SLCO1C1: variants seen among roughly 807,000 people sequenced by gnomAD.
The protein encoded by SLCO1C1 is OAT-RP-5.
Under a neutral mutation model 76.4 loss-of-function variants are expected in SLCO1C1, and 70 were observed. The observed-to-expected ratio is 0.92, with a 90% CI of 0.76 to 1.12. The LOEUF (loss-of-function observed/expected upper bound fraction) is 1.12, where lower values mean the gene tolerates loss of function less well. SLCO1C1 is among the 50% of genes most tolerant of loss of function. The probability of loss-of-function intolerance (pLI) is 0.00; values close to 1 mark genes in which losing one functional copy is unlikely to be tolerated. For synonymous variants in SLCO1C1, 306 were observed against 286.1 expected, an observed-to-expected ratio of 1.07 and a Z score of -0.70; for missense variants, 912 against 823.8, an observed-to-expected ratio of 1.11 and a Z score of -1.31.
At chr12:20,700,308 A>G (rs1174510000) in intron 2 of SLCO1C1, 1 of 151,870 alleles carries the variant, frequency 6.6e-6, no homozygotes, top group Non-Finnish European at 1.5e-5. Flanking sequence ...CATCTCCATA[A>G]TGACTAGTGA....
rs75428356 is a variant in SLCO1C1, at chr12:20,752,805, T to C, written c.*277T>C. 470 of 211,818 alleles carry C rather than the reference T, an allele frequency of 2.2e-3. 2 individuals carry two copies. Among genetic ancestry groups the C allele is most frequent in the African/African-American group, 9.8e-3 (431 of 43,778 alleles). 13.1% of individuals were successfully genotyped at this position (211,818 alleles called of 1,614,324 possible). A position where few individuals can be genotyped will look rare whatever the true frequency, so the allele number is the denominator to read the frequency against. On this transcript the variant is annotated 3_prime_UTR_variant, in exon 15 of 15. Coordinates refer to ENST00000266509, the MANE Select transcript of SLCO1C1 (RefSeq NM_017435.5). ...ATTTTGCTTTGTGCTCATTGATATA[T>C]ATTAGCTGTACTCCTAGAAGAACAA...
chr12:20,752,284 C>T, intron 14 of SLCO1C1, 22 bp from the exon 15 acceptor site: 4 of 1,444,102 alleles, frequency 2.8e-6, no homozygotes, highest in Non-Finnish European at 3.7e-6. Flanking sequence ...TTAATTATAA[C>T]AGAGATTCTC....
chr12:20,716,343 G>T lies in SLCO1C1; in HGVS notation c.677-789G>T, dbSNP rs147839759. Among the ~76,000 whole-genome samples the T allele has an allele frequency of 3.7e-3, 568 of 152,324 alleles. 2 individuals are homozygous for T. The highest frequency in any genetic ancestry group is 0.013 in the African/African-American group (549 of 41,568). On this transcript the variant is annotated intron_variant, in intron 6 of 14. Transcript: ENST00000266509. ...AGGAGAAGCATACAGGTGCTTAGGT[G>T]TGCCCTTCTTCTCTAGGAGCTCAGG...
At chr12:20,750,521 A>G (rs1949249985) in intron 13 of SLCO1C1, among the ~76,000 whole-genome samples, 154 bp from the exon 14 acceptor site, 1 of 152,160 alleles carries the variant, frequency 6.6e-6, no homozygotes, top group South Asian at 2.1e-4. Flanking sequence ...AAAAGACTGG[A>G]TTAGAGAGAT....
Position 20,721,987 on chromosome 12 carries a change from A to G in SLCO1C1, c.959A>G (p.Asp320Gly), listed in dbSNP as rs1947697744. 1 of 1,614,070 alleles carries G rather than the reference A, an allele frequency of 6.2e-7. No individual in the cohort carries two copies. Among genetic ancestry groups the G allele is most frequent in the Non-Finnish European group, 8.5e-7 (1 of 1,180,032 alleles). ...SSSEKSKFII[D>G]DHTDYQTPQG... is the part of the protein sequence containing the mutation. ...TCTGAGAAATCCAAGTTTATTATAGATGATCACACAGACTACCAAACACCC... is the reference window on the plus strand; with the variant it reads ...TCTGAGAAATCCAAGTTTATTATAGGTGATCACACAGACTACCAAACACCC... Residue 320 changes from aspartate to glycine, a missense_variant, in exon 8 of 15, where the codon GAT becomes GGT. Coordinates refer to ENST00000266509, the MANE Select transcript of SLCO1C1 (RefSeq NM_017435.5).
At position 20,715,381 on chromosome 12, in the gene SLCO1C1, T is replaced by C. The variant is rs533559856; in HGVS notation, c.676+96T>C. 2.8e-5 allele frequency: 38 copies of C among 1,355,690 alleles called. No individual in the cohort carries two copies. In the African/African-American group the frequency reaches 5.5e-4, roughly 20 times the overall value. The allele number at this position is 1,355,690 out of a possible 1,614,324, so 84.0% of individuals were successfully genotyped here. On this transcript the variant is annotated intron_variant, in intron 6 of 14. Transcript: ENST00000266509. ...TGCTAAATTAAGTGGGGAAGCTTTT[T>C]ATACTTCATATCCAACTCCTTTATT... is the stretch of plus-strand genomic sequence containing the variant.
At chr12:20,699,772 T>A in intron 2 of SLCO1C1, 67 bp downstream of exon 2, 1 of 1,455,990 alleles carries the variant, frequency 6.9e-7, no homozygotes, top group Non-Finnish European at 9.1e-7. Flanking sequence ...ATCTATATAA[T>A]GAAGTTAGAA....
intron 13 of SLCO1C1, among the ~76,000 whole-genome samples, chr12:20,748,208 C>T (rs1436736219): frequency 6.6e-6 from 1 of 152,088 alleles, no homozygotes; most frequent in Non-Finnish European, 1.5e-5. Context: ...CTTTTTTAAT[C>T]CATAGGCTTT....
chr12:20,701,703 T>C (rs1946534835), intron 3 of SLCO1C1, among the ~76,000 whole-genome samples: 1 of 151,864 alleles, frequency 6.6e-6, no homozygotes, highest in Non-Finnish European at 1.5e-5. Context: ...TTCAGAGTTC[T>C]ACATCAGAGT....
intron 3 of SLCO1C1, 99 bp downstream of exon 3, chr12:20,701,558 T>C: frequency 1.1e-6 from 1 of 944,562 alleles, no homozygotes; most frequent in African/African-American, 1.8e-5. Flanking sequence ...GGGATCAGAC[T>C]CTATTCATAA....
intron 10 of SLCO1C1, among the ~76,000 whole-genome samples, chr12:20,735,506 ACTTTAAAAGG>A (rs1948497188): frequency 1.3e-5 from 2 of 152,136 alleles, no homozygotes; most frequent in Non-Finnish European, 2.9e-5. Context: ...ATGATTCTAG[ACTTTAAAAGG>A]CAGTTTTATA....
intron 11 of SLCO1C1, among the ~76,000 whole-genome samples, chr12:20,737,579 A>G (rs1732284035): frequency 6.6e-6 from 1 of 151,694 alleles, no homozygotes; most frequent in Non-Finnish European, 1.5e-5. Context: ...TATGATCATC[A>G]TAATAAGATA....
chr12:20,717,648 C>CTTTTTTTTTTTTTT (rs534946900), intron 7 of SLCO1C1, among the ~76,000 whole-genome samples: 12 of 42,322 alleles, frequency 2.8e-4, no homozygotes, highest in Non-Finnish European at 3.5e-4. Flanking sequence ...AACAGCCCTT[C>CTTTTTTTTTTTTTT]TTTTTTTTTT....
chr12:20,746,813 CTTTTTTTTTT>C (rs1949066574), intron 13 of SLCO1C1, among the ~76,000 whole-genome samples: 1 of 133,486 alleles, frequency 7.5e-6, no homozygotes, highest in South Asian at 2.5e-4. Flanking sequence ...TTGGTATTGT[CTTTTTTTTTT>C]CAAAAACCAT....
rs756332908 is a variant in SLCO1C1 at position 20,732,954 on chromosome 12, G to T, written c.1232G>T (p.Gly411Val). Residue 411 changes from glycine (G) to valine (V), a missense_variant, in exon 10 of 15, where the codon GGG becomes GTG. Coordinates refer to ENST00000266509, the MANE Select transcript of SLCO1C1 (RefSeq NM_017435.5). Reference protein sequence around the residue: ...PAVALGIFSGGIVMKKFRISV... With the variant: ...PAVALGIFSGVIVMKKFRISV... Reference sequence around the variant, plus strand: ...GTGGCCCTTGGAATATTCTCTGGGGGGATAGTTATGAAAAAATTCAGAATC... The same window carrying T: ...GTGGCCCTTGGAATATTCTCTGGGGTGATAGTTATGAAAAAATTCAGAATC... 2 of 1,613,898 alleles carry T rather than the reference G, an allele frequency of 1.2e-6. No homozygotes were observed. The highest frequency in any genetic ancestry group is 1.7e-6 in the Non-Finnish European group (2 of 1,179,938).
At chr12:20,727,731 A>G (rs1027280039) in intron 9 of SLCO1C1, among the ~76,000 whole-genome samples, 7 of 152,012 alleles carry the variant, frequency 4.6e-5, no homozygotes, top group African/African-American at 7.2e-5. Flanking sequence ...GGATGGTCTC[A>G]ATCTCCTGAC....
chr12:20,721,186 T>C (rs1044903358), intron 7 of SLCO1C1, among the ~76,000 whole-genome samples: 35 of 152,118 alleles, frequency 2.3e-4, no homozygotes, highest in Admixed American at 2.1e-3. Context: ...CTTGAGAAGA[T>C]TGACTCCAAT....
At chr12:20,705,091 T>C (rs535843271) in intron 3 of SLCO1C1, among the ~76,000 whole-genome samples, 1 of 152,054 alleles carries the variant, frequency 6.6e-6, no homozygotes, top group Admixed American at 6.6e-5. Flanking sequence ...AACCGTTTCC[T>C]GTCAGTATTT....
intron 9 of SLCO1C1, among the ~76,000 whole-genome samples, chr12:20,731,692 T>G (rs1948269570): frequency 6.6e-6 from 1 of 152,180 alleles, no homozygotes; most frequent in Non-Finnish European, 1.5e-5. Context: ...AGCAGAGAAT[T>G]TACTTATTGT....
Sources: gnomAD v4.1 joint callset for allele counts (sites outside exome capture counted in the v4.1 genomes callset) on GRCh38, gnomAD v4.1.1 for gene constraint, MANE v1.5 for transcripts, NCBI Gene and HGNC (gene_info 2026-07-23, HGNC 2026-07-21) for gene names.